Variants in SLC8A2 observed in about 807,000 individuals in gnomAD.
SLC8A2 encodes solute carrier family 8 member A2, also known as sodium/calcium exchanger 2.
A neutral mutation model predicts 70.2 loss-of-function variants in SLC8A2; 14 were observed. The ratio of observed to expected loss-of-function variants is 0.20; its 90% CI spans 0.13 to 0.31. The LOEUF is 0.31. Among genes scored for constraint, SLC8A2 ranks in the 10% least tolerant of loss-of-function variants. The pLI is 1.00. For synonymous variants in SLC8A2, 575 were observed against 594.3 expected (o/e 0.97, Z 0.47); for missense variants, 779 against 1,320.1 (o/e 0.59, Z 6.35).
In SLC8A2 at chr19:47,437,565, G is replaced by C. The variant is rs1967045872; in HGVS notation, c.2011-4C>G. ...TGATGAGTTTATCCACCGTGTTCTGGGGATGAGAGGGTGGGGGAGAGGTCA... is the reference window on the plus strand; with the variant it reads ...TGATGAGTTTATCCACCGTGTTCTGCGGATGAGAGGGTGGGGGAGAGGTCA... On this transcript the variant is annotated splice_polypyrimidine_tract_variant and splice_region_variant and intron_variant, in intron 7 of 9. Coordinates refer to ENST00000236877, the MANE Select transcript of SLC8A2 (RefSeq NM_015063.3). 1 of 1,606,466 alleles carries C rather than the reference G, an allele frequency of 6.2e-7. No homozygotes were observed. Among genetic ancestry groups the C allele is most frequent in the Non-Finnish European group, 8.5e-7 (1 of 1,173,130 alleles).
At chr19:47,456,814 T>C in intron 3 of SLC8A2, 116 bp downstream of exon 3, 2 of 1,051,166 alleles carry the variant, frequency 1.9e-6, no homozygotes, top group Non-Finnish European at 2.6e-6. Context: ...AATGAACAAA[T>C]GAACCAATGA....
intron 8 of SLC8A2, among the ~76,000 whole-genome samples, chr19:47,434,289 T>G (rs830152): frequency 6.6e-6 from 1 of 152,146 alleles, no homozygotes; most frequent in Non-Finnish European, 1.5e-5. Context: ...CAGGCCCACA[T>G]GCCTAGGCTT....
intron 3 of SLC8A2, among the ~76,000 whole-genome samples, chr19:47,451,308 C>CTTTTTTTTTTTTT (rs1555749092): frequency 6.7e-6 from 1 of 150,358 alleles, no homozygotes; most frequent in African/African-American, 2.5e-5. Context: ...GCGCCCAGAC[C>CTTTTTTTTTTTTT]TTTTTTTTGT....
At position 47,447,796 on chromosome 19, in the gene SLC8A2, C is replaced by A; in HGVS notation, c.1763+13G>T. Reference sequence around the variant, plus strand: ...AGCCCCGCCCCTCTCCGGGCCGCCTCGGGCGTGCTCACATGGTCTCGTCGT... The same window carrying A: ...AGCCCCGCCCCTCTCCGGGCCGCCTAGGGCGTGCTCACATGGTCTCGTCGT... On this transcript the variant is annotated intron_variant, in intron 4 of 9. Transcript: ENST00000236877. This position sits in a 1 kb window ranked among gnomAD's most constrained non-coding sequence, Gnocchi z 5.1. 6.3e-7 allele frequency: 1 copy of A among 1,575,498 alleles called. No homozygotes were observed.
At chr19:47,463,160 T>C (rs1967416645) in intron 2 of SLC8A2, among the ~76,000 whole-genome samples, 1 of 150,628 alleles carries the variant, frequency 6.6e-6, no homozygotes, top group Non-Finnish European at 1.5e-5. Flanking sequence ...TGAGACGGAG[T>C]CTCGCTCTGT....
intron 6 of SLC8A2, among the ~76,000 whole-genome samples, chr19:47,438,375 A>T (rs1967058077): frequency 6.6e-6 from 1 of 152,158 alleles, no homozygotes. Context: ...AATATTCAAT[A>T]CATGTTACTA....
chr19:47,441,476 T>C, intron 4 of SLC8A2, 36 bp from the exon 5 acceptor site: 4 of 1,305,372 alleles, frequency 3.1e-6, no homozygotes, highest in Non-Finnish European at 3.3e-6. Flanking sequence ...GAACACTCAG[T>C]GTAAGGCCCC....
chr19:47,457,029 A>G lies in SLC8A2; in HGVS notation c.1241T>C (p.Leu414Pro). The G allele has an allele frequency of 6.2e-7, 1 of 1,610,808 alleles. No homozygotes were observed. Among genetic ancestry groups the G allele is most frequent in the Non-Finnish European group, 8.5e-7 (1 of 1,178,742 alleles). The change falls in exon 3 of 10, where the codon CTG becomes CCG. Residue 414 changes from leucine to proline, a missense_variant. By Grantham distance (98) the Leu-to-Pro change is moderately conservative. This residue lies in a region of SLC8A2 where 186 missense variants were observed against 246.6 expected (regional missense o/e 0.75). Transcript: ENST00000236877. ...HCLENCGSVL[L>P]SVTCQGGEGN... ...CTCGCCGCCCTGGCACGTGACGGACAGCAGCACGGAGCCGCAGTTCTCCAG... is the reference window on the plus strand; with the variant it reads ...CTCGCCGCCCTGGCACGTGACGGACGGCAGCACGGAGCCGCAGTTCTCCAG...
chr19:47,465,619 G>T lies in SLC8A2; in HGVS notation c.675+110C>A. 2.1e-6 allele frequency: 2 copies of T among 956,912 alleles called. No individual in the cohort carries two copies. The highest frequency in any genetic ancestry group is 3.1e-6 in the Non-Finnish European group (2 of 647,792). The allele number at this position is 956,912 out of a possible 1,614,324, so 59.3% of individuals were successfully genotyped here. On this transcript the variant is annotated intron_variant, in intron 2 of 9. Coordinates refer to ENST00000236877, the MANE Select transcript of SLC8A2 (RefSeq NM_015063.3). This position sits in a 1 kb window ranked among gnomAD's most constrained non-coding sequence, Gnocchi z 5.5. ...ACCGTACTTGGCAGCCCTCTCAGATGTGAGTGTGCATTTCTGCAAATACAG... is the reference window on the plus strand; with the variant it reads ...ACCGTACTTGGCAGCCCTCTCAGATTTGAGTGTGCATTTCTGCAAATACAG...
chr19:47,459,697 C>T (rs1180558574), intron 2 of SLC8A2, among the ~76,000 whole-genome samples: 2 of 147,540 alleles, frequency 1.4e-5, no homozygotes, highest in African/African-American at 5.0e-5. Flanking sequence ...ATGGGTGTGT[C>T]CTTCTGTGTG....
chr19:47,460,108 A>G (rs17760109), intron 2 of SLC8A2, among the ~76,000 whole-genome samples: 3 of 151,974 alleles, frequency 2.0e-5, no homozygotes, highest in Non-Finnish European at 4.4e-5. Context: ...TGTTCACCCA[A>G]ACGCCCTCAG....
intron 3 of SLC8A2, among the ~76,000 whole-genome samples, chr19:47,456,626 A>T (rs1967306170): frequency 6.6e-6 from 1 of 152,136 alleles, no homozygotes; most frequent in East Asian, 1.9e-4. Flanking sequence ...AGATCTTGCC[A>T]CTCACTCCAG....
chr19:47,454,618 C>T (rs1260224732), intron 3 of SLC8A2, among the ~76,000 whole-genome samples: 1 of 151,926 alleles, frequency 6.6e-6, no homozygotes, highest in Non-Finnish European at 1.5e-5. Context: ...CTGGGGTGGG[C>T]AGGGTAGGAA....
chr19:47,439,613 CCTTT>C lies in SLC8A2; in HGVS notation c.1885+1552_1885+1555del, dbSNP rs915311815. Among the ~76,000 whole-genome samples, 4 of 94,372 alleles carry C rather than the reference CCTTT, an allele frequency of 4.2e-5. 1 individual carries two copies. Among genetic ancestry groups the C allele is most frequent in the East Asian group, 6.7e-4 (2 of 2,994 alleles). 61.9% of individuals were successfully genotyped at this position (94,372 alleles called of 152,430 possible). On this transcript the variant is annotated intron_variant, in intron 6 of 9. Transcript: ENST00000236877. ...TTTTCTCTCTTCTCCCTCCTTCCTTCCTTTCTTCCTTCCTTCCTTCCTTCCTTCC... is the reference window on the plus strand; with the variant it reads ...TTTTCTCTCTTCTCCCTCCTTCCTTCCTTCCTTCCTTCCTTCCTTCCTTCC...
intron 4 of SLC8A2, among the ~76,000 whole-genome samples, chr19:47,445,461 C>G (rs1967149564): frequency 1.3e-5 from 2 of 152,120 alleles, no homozygotes; most frequent in Non-Finnish European, 2.9e-5. Context: ...CTCTGTTTCT[C>G]TCTCCAGTTC....
chr19:47,438,319 G>C (rs766278377), intron 6 of SLC8A2, among the ~76,000 whole-genome samples: 1 of 152,170 alleles, frequency 6.6e-6, no homozygotes, highest in African/African-American at 2.4e-5. Context: ...AGACTTAAAT[G>C]AGTTAATTCG....
chr19:47,456,726 GCT>G (rs1036903194), intron 3 of SLC8A2, among the ~76,000 whole-genome samples: 8 of 152,254 alleles, frequency 5.3e-5, no homozygotes, highest in African/African-American at 1.9e-4. Context: ...GGATAGCCAT[GCT>G]CTCTGCCTGG....
rs1364585219 is a variant in SLC8A2, at chr19:47,441,280, A to C, written c.1867+57T>G. On this transcript the variant is annotated intron_variant, in intron 5 of 9. Coordinates refer to ENST00000236877, the MANE Select transcript of SLC8A2 (RefSeq NM_015063.3). ...AGGAGTGCCTGCAATTGAGCCCCTG[A>C]AAGTCCCCCGACCCTGGACCCCTTA... The C allele has an allele frequency of 3.2e-6, 5 of 1,586,028 alleles. No individual in the cohort carries two copies. In the East Asian group the frequency reaches 1.1e-4, roughly 35 times the overall value.
In SLC8A2 at chr19:47,430,081, G is replaced by C; in HGVS notation, c.*8C>G. On this transcript the variant is annotated 3_prime_UTR_variant, in exon 10 of 10. Coordinates refer to ENST00000236877, the MANE Select transcript of SLC8A2 (RefSeq NM_015063.3). This position sits in a 1 kb window ranked among gnomAD's most constrained non-coding sequence, Gnocchi z 5.9. ...GCGGGCGGTGGGGACGAGTCTCTGC[G>C]CGAGGCCCTAGAAGCCCCGGATGTG... The C allele has an allele frequency of 6.3e-7, 1 of 1,576,448 alleles. No homozygotes were observed. The highest frequency in any genetic ancestry group is 8.6e-7 in the Non-Finnish European group (1 of 1,160,698).
Sources: allele counts gnomAD v4.1 joint callset (sites outside exome capture counted in the v4.1 genomes callset), GRCh38; gene constraint gnomAD v4.1.1; regional missense constraint gnomAD v4.1.1; non-coding constraint Gnocchi (gnomAD v3.1); transcripts MANE v1.5; gene names NCBI Gene and HGNC (gene_info 2026-07-23, HGNC 2026-07-21).